ANK1: variants seen among roughly 807,000 people sequenced by gnomAD.
ANK1 encodes ankyrin-1.
A neutral mutation model predicts 210.4 loss-of-function variants in ANK1; 51 were observed. The observed-to-expected ratio is 0.24, with a 90% CI of 0.19 to 0.31. The LOEUF is 0.31. Ranked by LOEUF, ANK1 falls within the 10% of genes least tolerant of loss-of-function variation. The pLI, the probability that ANK1 is intolerant of heterozygous loss-of-function variation, is 1.00. For missense variants in ANK1, 2,051 were observed against 2,504.4 expected (o/e 0.82, Z 3.86); for synonymous variants, 967 against 1,025.9 (o/e 0.94, Z 1.10).
intron 1 of ANK1, among the ~76,000 whole-genome samples, chr8:41,854,543 G>C (rs962632929): frequency 2.6e-5 from 4 of 152,144 alleles, no homozygotes; most frequent in Admixed American, 1.3e-4. Flanking sequence ...ATAATGCTTC[G>C]GTGAGTGGTG....
intron 1 of ANK1, among the ~76,000 whole-genome samples, chr8:41,890,801 G>A (rs1402463792): frequency 6.6e-6 from 1 of 152,000 alleles, no homozygotes; most frequent in Non-Finnish European, 1.5e-5. Context: ...TCAAGGTGGG[G>A]GAAACAATAG....
chr8:41,725,651 C>T (rs1160851344), intron 6 of ANK1, 110 bp downstream of exon 6: 11 of 1,445,848 alleles, frequency 7.6e-6, no homozygotes, highest in Non-Finnish European at 1.0e-5. Context: ...TGCGCACTGC[C>T]CGCCCTGCAC....
chr8:41,746,448 C>A (rs1199949909), intron 2 of ANK1, among the ~76,000 whole-genome samples: 1 of 152,258 alleles, frequency 6.6e-6, no homozygotes, highest in Middle Eastern at 3.4e-3. Context: ...GGGAGGCAAC[C>A]GGCTCTGAGC....
upstream of ANK1, among the ~76,000 whole-genome samples, chr8:41,797,980 C>T (rs1213782312): frequency 6.6e-6 from 1 of 151,706 alleles, no homozygotes; most frequent in Non-Finnish European, 1.5e-5. This position sits in a 1 kb window ranked among gnomAD's most constrained non-coding sequence, Gnocchi z 4.0. Flanking sequence ...GCAGGGGAAG[C>T]AATACTAAGC....
At chr8:41,879,091 T>TA (rs562051506) in intron 1 of ANK1, among the ~76,000 whole-genome samples, 44 of 151,710 alleles carry the variant, frequency 2.9e-4, no homozygotes, top group African/African-American at 9.4e-4. Context: ...ATTGAAAAAT[T>TA]AAAAAAAATG....
intron 1 of ANK1, among the ~76,000 whole-genome samples, chr8:41,783,739 A>G (rs1845788524): frequency 6.6e-6 from 1 of 152,156 alleles, no homozygotes; most frequent in Non-Finnish European, 1.5e-5. Flanking sequence ...CCTTGTCCTT[A>G]CAGAGTCACA....
At chr8:41,863,800 C>G (rs1484828705) in intron 1 of ANK1, among the ~76,000 whole-genome samples, 1 of 152,194 alleles carries the variant, frequency 6.6e-6, no homozygotes, top group Non-Finnish European at 1.5e-5. Flanking sequence ...AGAGGCTCCC[C>G]TACCTCCCAC....
At chr8:41,766,630 G>T (rs1841856293) in intron 1 of ANK1, among the ~76,000 whole-genome samples, 1 of 152,200 alleles carries the variant, frequency 6.6e-6, no homozygotes, top group Non-Finnish European at 1.5e-5. Flanking sequence ...GGCAGGGTGG[G>T]CTGGGACGTC....
intron 1 of ANK1, among the ~76,000 whole-genome samples, chr8:41,760,232 C>T (rs768007713): frequency 2.0e-5 from 3 of 152,176 alleles, no homozygotes; most frequent in Non-Finnish European, 2.9e-5. Context: ...TTGTAGCTCC[C>T]ATAATTCCCA....
At chr8:41,841,566 CA>C (rs1384841477) in intron 1 of ANK1, among the ~76,000 whole-genome samples, 2 of 152,016 alleles carry the variant, frequency 1.3e-5, no homozygotes, top group Non-Finnish European at 2.9e-5. Flanking sequence ...GACAAACAAA[CA>C]AAAAACAGTG....
intron 2 of ANK1, among the ~76,000 whole-genome samples, chr8:41,752,250 C>T (rs139777669): frequency 1.8e-3 from 275 of 152,272 alleles, no homozygotes; most frequent in African/African-American, 5.9e-3. Context: ...GCACAGGCCA[C>T]GAGCGCGCAG....
At chr8:41,848,262 A>G (rs1473475860) in intron 1 of ANK1, among the ~76,000 whole-genome samples, 1 of 152,218 alleles carries the variant, frequency 6.6e-6, no homozygotes, top group Non-Finnish European at 1.5e-5. Context: ...TGCAACAAAT[A>G]TCTAGCACAT....
intron 1 of ANK1, among the ~76,000 whole-genome samples, chr8:41,852,042 G>T (rs1330552491): frequency 6.6e-6 from 1 of 152,146 alleles, no homozygotes; most frequent in African/African-American, 2.4e-5. Flanking sequence ...TGAGGAAACT[G>T]AGGCTTTAGG....
chr8:41,895,805 C>T (rs1212484823), intron 1 of ANK1, among the ~76,000 whole-genome samples: 1 of 151,818 alleles, frequency 6.6e-6, no homozygotes, highest in African/African-American at 2.4e-5. Context: ...TGAGAAGGGT[C>T]AAGGAAGGGC....
At chr8:41,857,307 C>G (rs188410170) in intron 1 of ANK1, among the ~76,000 whole-genome samples, 15 of 151,308 alleles carry the variant, frequency 9.9e-5, no homozygotes, top group African/African-American at 3.6e-4. Context: ...TGTCAAAAAT[C>G]CATCTAGTGG....
At chr8:41,869,664 T>C (rs1815110715) in intron 1 of ANK1, among the ~76,000 whole-genome samples, 1 of 152,094 alleles carries the variant, frequency 6.6e-6, no homozygotes, top group South Asian at 2.1e-4. Flanking sequence ...AATGCTGCCT[T>C]GTAGGAAAAG....
At chr8:41,706,434 G>A (rs543391674) in intron 17 of ANK1, among the ~76,000 whole-genome samples, 193 bp from the exon 18 acceptor site, 2 of 152,214 alleles carry the variant, frequency 1.3e-5, no homozygotes, top group Non-Finnish European at 2.9e-5. Flanking sequence ...TAGACCAGGG[G>A]TTGGCAACTT....
chr8:41,782,513 G>A (rs749053137), intron 1 of ANK1, among the ~76,000 whole-genome samples: 4 of 152,196 alleles, frequency 2.6e-5, no homozygotes, highest in African/African-American at 7.2e-5. Flanking sequence ...AGGGAGCAGC[G>A]TACGGACTGA....
intron 9 of ANK1, among the ~76,000 whole-genome samples, 164 bp downstream of exon 9, chr8:41,722,961 A>C (rs1028743508): frequency 1.3e-5 from 2 of 152,226 alleles, no homozygotes; most frequent in Non-Finnish European, 2.9e-5. Flanking sequence ...CATTAGAGCT[A>C]CACTGAGAGT....
Sources: gnomAD v4.1 joint callset for allele counts (sites outside exome capture counted in the v4.1 genomes callset) on GRCh38, gnomAD v4.1.1 for gene constraint, Gnocchi (gnomAD v3.1) non-coding constraint, MANE v1.5 for transcripts, NCBI Gene and HGNC (gene_info 2026-07-23, HGNC 2026-07-21) for gene names.